The following MEMO1 variants were observed in gnomAD, a reference collection of about 807,000 sequenced individuals.
MEMO1 encodes the protein protein MEMO1.
MEMO1 carries 6 observed loss-of-function variants against 45.2 expected under a neutral mutation model. The ratio of observed to expected loss-of-function variants is 0.13; its 90% CI spans 0.07 to 0.26. The LOEUF (loss-of-function observed/expected upper bound fraction) is 0.26. Ranked by LOEUF, MEMO1 falls within the 10% of genes least tolerant of loss-of-function variation. The pLI is 1.00. For synonymous variants in MEMO1, 78 were observed against 124.3 expected, an observed-to-expected ratio of 0.63 and a Z score of 2.48; for missense variants, 184 against 370.5, an observed-to-expected ratio of 0.50 and a Z score of 4.13.
intron 7 of MEMO1, among the ~76,000 whole-genome samples, chr2:31,888,000 T>C (rs1676437340): frequency 6.6e-6 from 1 of 152,146 alleles, no homozygotes. Context: ...AAGGTAGTTA[T>C]GTAAACCAAA....
At chr2:31,990,513 A>G (rs998384566) in intron 2 of MEMO1, among the ~76,000 whole-genome samples, 5 of 150,584 alleles carry the variant, frequency 3.3e-5, no homozygotes, top group African/African-American at 1.2e-4. Context: ...GTGCAGTGGC[A>G]TGATCTCAGC....
At chr2:31,890,208 C>T (rs1048749762) in intron 7 of MEMO1, among the ~76,000 whole-genome samples, 51 of 152,068 alleles carry the variant, frequency 3.4e-4, no homozygotes, top group Non-Finnish European at 7.4e-5. Flanking sequence ...GTTACAGTTG[C>T]ACAGGTTGCC....
chr2:31,974,543 G>A (rs1249419570), intron 2 of MEMO1, among the ~76,000 whole-genome samples: 2 of 152,076 alleles, frequency 1.3e-5, no homozygotes, highest in East Asian at 1.9e-4. Context: ...TCAACAGATG[G>A]AGACCATCCT....
At chr2:31,894,267 C>T (rs1677388653) in intron 6 of MEMO1, among the ~76,000 whole-genome samples, 1 of 152,184 alleles carries the variant, frequency 6.6e-6, no homozygotes, top group South Asian at 2.1e-4. Flanking sequence ...TTACCAGGAG[C>T]TGCCTCCATC....
chr2:31,909,377 A>G (rs1679191580), intron 6 of MEMO1, among the ~76,000 whole-genome samples: 1 of 152,230 alleles, frequency 6.6e-6, no homozygotes, highest in South Asian at 2.1e-4. Flanking sequence ...CTCCACCAAA[A>G]ACCCTAAGAT....
At chr2:31,925,262 G>C (rs1682907427) in intron 4 of MEMO1, among the ~76,000 whole-genome samples, 1 of 152,028 alleles carries the variant, frequency 6.6e-6, no homozygotes, top group African/African-American at 2.4e-5. Context: ...CGGATCACGA[G>C]GTCAGGAGAT....
intron 3 of MEMO1, among the ~76,000 whole-genome samples, chr2:31,941,309 C>G (rs1665586622): frequency 6.6e-6 from 1 of 152,158 alleles, no homozygotes; most frequent in Non-Finnish European, 1.5e-5. Context: ...ACCCTCTTCC[C>G]TCAGCTATCT....
chr2:31,986,071 T>C (rs941380343), intron 2 of MEMO1, among the ~76,000 whole-genome samples: 3 of 152,132 alleles, frequency 2.0e-5, no homozygotes, highest in Admixed American at 6.6e-5. Context: ...TTTCTTCCCT[T>C]CTCACTACTG....
intron 2 of MEMO1, among the ~76,000 whole-genome samples, chr2:31,968,876 A>C (rs1459669332): frequency 6.6e-6 from 1 of 152,104 alleles, no homozygotes; most frequent in Non-Finnish European, 1.5e-5. Flanking sequence ...CTTCTCATAA[A>C]CTAGAAAATA....
intron 2 of MEMO1, among the ~76,000 whole-genome samples, chr2:31,995,890 C>T (rs1007259038): frequency 6.6e-6 from 1 of 152,062 alleles, no homozygotes; most frequent in Non-Finnish European, 1.5e-5. Flanking sequence ...AGAAAAGACA[C>T]ACTATATTCA....
intron 8 of MEMO1, among the ~76,000 whole-genome samples, chr2:31,875,835 C>A (rs2147899038): frequency 6.6e-6 from 1 of 152,106 alleles, no homozygotes; most frequent in East Asian, 1.9e-4. Flanking sequence ...TACAGGCATG[C>A]ACCACCATGC....
intron 9 of MEMO1, among the ~76,000 whole-genome samples, chr2:31,869,452 T>C (rs1300941508): frequency 6.6e-6 from 1 of 152,140 alleles, no homozygotes; most frequent in East Asian, 1.9e-4. Flanking sequence ...TATTACATTA[T>C]GAACATTTAA....
intron 6 of MEMO1, among the ~76,000 whole-genome samples, chr2:31,914,150 G>A (rs1049918139): frequency 2.6e-5 from 4 of 152,182 alleles, no homozygotes; most frequent in Non-Finnish European, 4.4e-5. Context: ...GAGGAAGCTA[G>A]GGCATCTTGG....
intron 2 of MEMO1, among the ~76,000 whole-genome samples, chr2:31,996,973 G>C (rs1489351430): frequency 6.6e-6 from 1 of 152,170 alleles, no homozygotes; most frequent in Non-Finnish European, 1.5e-5. Flanking sequence ...GACAGATCTT[G>C]TAATGCACCA....
rs146694737 is a variant in MEMO1 at position 31,898,945 on chromosome 2, G to C, written c.438-6811C>G. On this transcript the variant is annotated intron_variant, in intron 6 of 9. Coordinates refer to ENST00000404530, the MANE Select transcript of MEMO1 (RefSeq NM_001301833.4). ...GACAGTTAGCTCTTCTTGTTGCATT[G>C]ATCCCTTTACCATTATGTAATGGCC... Among the ~76,000 whole-genome samples the C allele has an allele frequency of 4.6e-5, 7 of 152,238 alleles. No homozygotes were observed. In the East Asian group the frequency reaches 1.4e-3, roughly 29 times the overall value.
intron 2 of MEMO1, among the ~76,000 whole-genome samples, chr2:31,976,060 T>C (rs1440285105): frequency 1.3e-5 from 2 of 152,168 alleles, no homozygotes; most frequent in Non-Finnish European, 2.9e-5. Flanking sequence ...CCAGCTAATT[T>C]AATTGCAATT....
chr2:31,986,767 A>C (rs901106722), intron 2 of MEMO1, among the ~76,000 whole-genome samples: 4 of 152,210 alleles, frequency 2.6e-5, no homozygotes, highest in Non-Finnish European at 4.4e-5. Context: ...TAAAAGAAAC[A>C]AACAGAAATA....
chr2:31,889,256 AT>A (rs918506263), intron 7 of MEMO1, among the ~76,000 whole-genome samples: 5 of 151,976 alleles, frequency 3.3e-5, no homozygotes, highest in East Asian at 1.9e-4. Context: ...TACTGCAATA[AT>A]TTTTTTCCCC....
intron 6 of MEMO1, among the ~76,000 whole-genome samples, chr2:31,916,837 T>C (rs1681520757): frequency 1.3e-5 from 2 of 152,114 alleles, no homozygotes; most frequent in Non-Finnish European, 2.9e-5. Flanking sequence ...AAATAATACT[T>C]TGAATACAGA....
Sources: allele counts gnomAD v4.1 joint callset (sites outside exome capture counted in the v4.1 genomes callset), GRCh38; gene constraint gnomAD v4.1.1; transcripts MANE v1.5; gene names NCBI Gene and HGNC (gene_info 2026-07-23, HGNC 2026-07-21).